The following NCAM1 variants were observed in gnomAD, a reference collection of about 807,000 sequenced individuals.
The protein encoded by NCAM1 is antigen recognized by monoclonal antibody 5.1H11.
Under a neutral mutation model 109.8 loss-of-function variants are expected in NCAM1, and 14 were observed. That is an observed-to-expected ratio of 0.13 (90% confidence interval 0.08 to 0.20). The LOEUF is 0.20. Among genes scored for constraint, NCAM1 ranks in the 10% least tolerant of loss-of-function variants. NCAM1 has a pLI of 1.00. For missense variants in NCAM1, 774 were observed against 1,109.9 expected, an observed-to-expected ratio of 0.70 and a Z score of 4.30; for synonymous variants, 418 against 442.9, an observed-to-expected ratio of 0.94 and a Z score of 0.70.
chr11:113,194,215 G>A (rs75115606), intron 1 of NCAM1, among the ~76,000 whole-genome samples: 1,793 of 152,204 alleles, frequency 0.012, 14 homozygotes, highest in Non-Finnish European at 0.019. Context: ...ATAAAATATC[G>A]GATAATCATC....
chr11:113,105,180 T>C (rs1326790034), intron 1 of NCAM1, among the ~76,000 whole-genome samples: 1 of 152,234 alleles, frequency 6.6e-6, no homozygotes. Flanking sequence ...TCCTTGGCTA[T>C]GTGCAGTTGA....
intron 1 of NCAM1, among the ~76,000 whole-genome samples, chr11:113,024,954 G>T (rs991562615): frequency 2.0e-5 from 3 of 152,204 alleles, no homozygotes; most frequent in African/African-American, 7.2e-5. Flanking sequence ...CATTTGCCAG[G>T]TATGGACAAT....
At chr11:113,255,822 G>T in intron 15 of NCAM1, 55 bp from the exon 16 acceptor site, 2 of 1,600,546 alleles carry the variant, frequency 1.2e-6, no homozygotes, top group Non-Finnish European at 1.7e-6. Flanking sequence ...ATTCAGATGG[G>T]TTGGATTTTC....
chr11:113,165,219 T>C (rs1942748236), intron 1 of NCAM1, among the ~76,000 whole-genome samples: 1 of 152,150 alleles, frequency 6.6e-6, no homozygotes, highest in Admixed American at 6.5e-5. Context: ...AGGTAGAAAG[T>C]GACTTAGAAA....
chr11:113,240,959 T>A, intron 14 of NCAM1: 1 of 980,188 alleles, frequency 1.0e-6, no homozygotes, highest in Non-Finnish European at 1.6e-6. Flanking sequence ...CAGCGTCGGG[T>A]TTTAGAGGAG....
At chr11:113,131,480 G>T (rs1941377503) in intron 1 of NCAM1, among the ~76,000 whole-genome samples, 1 of 152,350 alleles carries the variant, frequency 6.6e-6, no homozygotes, top group Non-Finnish European at 1.5e-5. Flanking sequence ...GAGAAAGAGG[G>T]ATGTGTTGGA....
chr11:112,999,567 T>G (rs1951690517), intron 1 of NCAM1, among the ~76,000 whole-genome samples: 1 of 152,152 alleles, frequency 6.6e-6, no homozygotes, highest in Non-Finnish European at 1.5e-5. Context: ...GCAGAGATTT[T>G]TTTTAAATAA....
intron 1 of NCAM1, among the ~76,000 whole-genome samples, chr11:113,019,318 A>C (rs1256560662): frequency 2.6e-5 from 4 of 151,920 alleles, no homozygotes; most frequent in Non-Finnish European, 5.9e-5. Context: ...CTGATGATAA[A>C]CTCTCTGCAG....
At chr11:113,271,979 A>T in intron 19 of NCAM1, 103 bp downstream of exon 19, 1 of 772,078 alleles carries the variant, frequency 1.3e-6, no homozygotes. Context: ...GCTCCCGGCC[A>T]AACAGTTCAG....
intron 1 of NCAM1, among the ~76,000 whole-genome samples, chr11:113,173,909 C>G (rs1004054510): frequency 5.9e-5 from 9 of 151,908 alleles, no homozygotes; most frequent in African/African-American, 2.2e-4. Flanking sequence ...TTGCTTCTAG[C>G]TAGCTCAATG....
At chr11:113,059,557 T>C (rs945807361) in intron 1 of NCAM1, among the ~76,000 whole-genome samples, 7 of 152,180 alleles carry the variant, frequency 4.6e-5, no homozygotes, top group Admixed American at 1.3e-4. Flanking sequence ...GGCCTTTCTA[T>C]GTAGCTCAAG....
At chr11:113,175,827 G>A (rs1555106913) in intron 1 of NCAM1, among the ~76,000 whole-genome samples, 1 of 152,030 alleles carries the variant, frequency 6.6e-6, no homozygotes, top group Non-Finnish European at 1.5e-5. Flanking sequence ...AAATACAAGA[G>A]AGGAGAAAAA....
chr11:112,998,265 C>G (rs1951652054), intron 1 of NCAM1, among the ~76,000 whole-genome samples: 1 of 152,136 alleles, frequency 6.6e-6, no homozygotes, highest in African/African-American at 2.4e-5. Flanking sequence ...TTCTACTGAA[C>G]TGTGGTCAGT....
chr11:112,985,177 C>T (rs1304393093), intron 1 of NCAM1, among the ~76,000 whole-genome samples: 1 of 151,458 alleles, frequency 6.6e-6, no homozygotes, highest in African/African-American at 2.4e-5. Flanking sequence ...GCATATAATG[C>T]CACATAATGC....
At chr11:113,239,744 C>A (rs560932359) in intron 14 of NCAM1, among the ~76,000 whole-genome samples, 2 of 152,088 alleles carry the variant, frequency 1.3e-5, no homozygotes, top group Non-Finnish European at 2.9e-5. Context: ...GGGAAGGAGA[C>A]CTGAATTAAC....
intron 7 of NCAM1, among the ~76,000 whole-genome samples, chr11:113,209,279 C>A (rs1319530115): frequency 6.6e-6 from 1 of 152,156 alleles, no homozygotes; most frequent in Non-Finnish European, 1.5e-5. Context: ...CTTTGAAAAT[C>A]AAGACTTTAT....
At chr11:113,235,885 C>T (rs887280465) in intron 14 of NCAM1, among the ~76,000 whole-genome samples, 1 of 152,230 alleles carries the variant, frequency 6.6e-6, no homozygotes, top group East Asian at 1.9e-4. Flanking sequence ...TGGGCAAGCC[C>T]TGCTCCTGTC....
intron 1 of NCAM1, among the ~76,000 whole-genome samples, chr11:113,193,320 G>A (rs1943745968): frequency 6.6e-6 from 1 of 152,168 alleles, no homozygotes; most frequent in Non-Finnish European, 1.5e-5. Context: ...CTCCCTTTGA[G>A]TCATTTCTTC....
chr11:113,236,254 T>C, intron 14 of NCAM1: 1 of 1,605,344 alleles, frequency 6.2e-7, no homozygotes, highest in Non-Finnish European at 8.5e-7. Flanking sequence ...CTTGGGTCTG[T>C]CTCTTGTTTT....
Sources: allele counts gnomAD v4.1 joint callset (sites outside exome capture counted in the v4.1 genomes callset), GRCh38; gene constraint gnomAD v4.1.1; transcripts MANE v1.5; gene names NCBI Gene and HGNC (gene_info 2026-07-23, HGNC 2026-07-21).